The following CEP290 variants were observed in gnomAD, a reference collection of about 807,000 sequenced individuals.
CEP290 encodes centrosomal protein of 290 kDa.
A neutral mutation model predicts 344.9 loss-of-function variants in CEP290; 317 were observed. The ratio of observed to expected loss-of-function variants is 0.92; its 90% CI spans 0.84 to 1.01. The LOEUF is 1.01. Ranked by LOEUF, CEP290 falls within the 50% of genes least tolerant of loss-of-function variation. The pLI is 0.00. For missense variants in CEP290, 2,754 were observed against 2,761.4 expected (o/e 1.00, Z 0.06); for synonymous variants, 932 against 895.8 (o/e 1.04, Z -0.72).
chr12:88,077,747 C>A lies in CEP290; in HGVS notation c.5536G>T (p.Glu1846Ter). Residue 1846 changes from glutamate (E) to a stop codon, truncating the protein, a stop_gained, in exon 40 of 54, where the codon GAG becomes TAG. Coordinates refer to ENST00000552810, the MANE Select transcript of CEP290 (RefSeq NM_025114.4). LOFTEE classifies it high-confidence loss of function. ...ILREKEEIDQ[E>*]NDELKRQIKR... ...ATTTGCCTTTTCAGTTCATCATTCT[C>A]TTGATCAATTTCCTCTTTCTCTCTA... The A allele has an allele frequency of 6.3e-7, 1 of 1,581,648 alleles. No homozygotes were observed. Among genetic ancestry groups the A allele is most frequent in the Non-Finnish European group, 8.6e-7 (1 of 1,166,906 alleles).
At chr12:88,053,469 A>G (rs1017385693) in intron 52 of CEP290, among the ~76,000 whole-genome samples, 183 bp downstream of exon 52, 1 of 151,952 alleles carries the variant, frequency 6.6e-6, no homozygotes, top group Non-Finnish European at 1.5e-5. Context: ...TATAAACAAC[A>G]CAAAGAGAAA....
intron 20 of CEP290, 145 bp downstream of exon 20, chr12:88,114,275 T>C: frequency 1.7e-6 from 1 of 589,686 alleles, no homozygotes. Flanking sequence ...TGAAAGCAGC[T>C]CAAGAAAAAC....
In CEP290 at chr12:88,049,425, CATT is replaced by C. The variant is rs1397674495; in HGVS notation, c.7210-14_7210-12del. 4.7e-6 allele frequency: 6 copies of C among 1,279,046 alleles called. No homozygotes were observed. Among genetic ancestry groups the C allele is most frequent in the Non-Finnish European group, 5.5e-6 (5 of 917,054 alleles). 79.2% of individuals were successfully genotyped at this position (1,279,046 alleles called of 1,614,324 possible). ...CTTCTTTATTTCCTCCTAATGGAAA[CATT>C]ATCTTTAAAAGTTGCATATAGGAAA... On this transcript the variant is annotated splice_polypyrimidine_tract_variant and intron_variant, in intron 53 of 53. Transcript: ENST00000552810.
rs1565889943 is a variant in CEP290, at chr12:88,114,554, ATTCT to A, written c.1914_1917del (p.Lys638AsnfsTer2). The A allele has an allele frequency of 6.5e-7, 1 of 1,539,166 alleles. No homozygotes were observed. The highest frequency in any genetic ancestry group is 1.2e-5 in the South Asian group (1 of 81,522). On this transcript the variant is annotated frameshift_variant, in exon 20 of 54. Transcript: ENST00000552810. LOFTEE classifies it high-confidence loss of function. ...TCAAGTTGCTTATTTTCTTCAACTAATTCTTTTACTGTAATTACACAGTTTTCTC... is the reference window on the plus strand; with the variant it reads ...TCAAGTTGCTTATTTTCTTCAACTAATTTACTGTAATTACACAGTTTTCTC...
chr12:88,100,733 A>G (rs1187239415), intron 26 of CEP290, among the ~76,000 whole-genome samples: 1 of 152,194 alleles, frequency 6.6e-6, no homozygotes, highest in Non-Finnish European at 1.5e-5. Context: ...ACTAGTGTAG[A>G]CAGGAGTGAC....
intron 18 of CEP290, 47 bp from the exon 19 acceptor site, chr12:88,115,229 C>T: frequency 1.0e-6 from 1 of 999,534 alleles, no homozygotes; most frequent in Non-Finnish European, 1.5e-6. Context: ...AACAAAATAT[C>T]ACAAGTCTAT....
At chr12:88,050,767 C>T (rs1324387024) in intron 52 of CEP290, among the ~76,000 whole-genome samples, 1 of 152,152 alleles carries the variant, frequency 6.6e-6, no homozygotes, top group Non-Finnish European at 1.5e-5. Context: ...AGAAGAAAAG[C>T]AGACTGTTGG....
chr12:88,060,138 G>T, intron 47 of CEP290, 118 bp from the exon 48 acceptor site: 1 of 894,184 alleles, frequency 1.1e-6, no homozygotes, highest in Non-Finnish European at 1.6e-6. Flanking sequence ...GATATGATTA[G>T]AATTAAAGTC....
chr12:88,071,673 T>C (rs2035385245), intron 42 of CEP290, 108 bp downstream of exon 42: 6 of 953,640 alleles, frequency 6.3e-6, no homozygotes, highest in African/African-American at 1.7e-5. Context: ...TAAATGATCA[T>C]TTAAACTAGA....
At chr12:88,092,607 G>A in intron 29 of CEP290, 74 bp downstream of exon 29, 1 of 1,313,886 alleles carries the variant, frequency 7.6e-7, no homozygotes, top group Admixed American at 2.4e-5. Flanking sequence ...TTGTATACCT[G>A]TAATTGGGTT....
At chr12:88,068,219 T>A (rs1354557957) in intron 44 of CEP290, among the ~76,000 whole-genome samples, 1 of 152,170 alleles carries the variant, frequency 6.6e-6, no homozygotes, top group African/African-American at 2.4e-5. Flanking sequence ...TTTTCCTATT[T>A]TATTTAACTG....
chr12:88,087,968 C>G, intron 31 of CEP290, 24 bp from the exon 32 acceptor site: 1 of 943,416 alleles, frequency 1.1e-6, no homozygotes, highest in Non-Finnish European at 1.4e-6. Context: ...TTTATATACA[C>G]AAATATAAAT....
rs1289111857 is a variant in CEP290 at position 88,077,888 on chromosome 12, A to C, written c.5395T>G (p.Leu1799Val). 34 of 1,370,408 alleles carry C rather than the reference A, an allele frequency of 2.5e-5. No homozygotes were observed. Among genetic ancestry groups the C allele is most frequent in the Non-Finnish European group, 3.2e-5 (32 of 1,009,190 alleles). 84.9% of individuals were successfully genotyped at this position (1,370,408 alleles called of 1,614,324 possible). The change falls in exon 40 of 54, where the codon TTA (leucine) becomes GTA (valine). Residue 1799 changes from leucine to valine, a missense_variant. Transcript: ENST00000552810. ...GTTTTAAGTGCTTCTTTCAATTTTA[A>C]AAGATTTTCATTTAAATCTTCAACT... ...TQVEDLNENL[L>V]KLKEALKTSK...
At chr12:88,132,999 C>T (rs976023453) in intron 6 of CEP290, among the ~76,000 whole-genome samples, 2 of 151,658 alleles carry the variant, frequency 1.3e-5, no homozygotes, top group African/African-American at 4.8e-5. Context: ...TTTTCTGTTC[C>T]TGTGTGAGTT....
At chr12:88,069,351 C>T (rs1299873141) in intron 43 of CEP290, among the ~76,000 whole-genome samples, 1 of 151,898 alleles carries the variant, frequency 6.6e-6, no homozygotes, top group African/African-American at 2.4e-5. Flanking sequence ...ATAAAGTATT[C>T]CAATTACTTC....
At chr12:88,078,009 G>T in intron 39 of CEP290, 91 bp from the exon 40 acceptor site, 1 of 497,298 alleles carries the variant, frequency 2.0e-6, no homozygotes, top group Non-Finnish European at 3.4e-6. Context: ...ACCATTATAA[G>T]AAAAATTCAG....
Position 88,076,609 on chromosome 12 carries a change from GT to G in CEP290, c.5709+612del, listed in dbSNP as rs1191306794. 1.3e-4 allele frequency among the ~76,000 whole-genome samples: 7 copies of G among 52,042 alleles called. No individual in the cohort carries two copies. The East Asian group carries it at 5.5e-3, about 41-fold the overall frequency. 34.1% of individuals were successfully genotyped at this position (52,042 alleles called of 152,430 possible). The stretch of plus-strand genomic sequence containing the variant: ...ATTACACGCATTTTAGCCAATTTTA[GT>G]TTTTTTTGGGGTTATTTCAATCAGT... On this transcript the variant is annotated intron_variant, in intron 41 of 53. Transcript: ENST00000552810.
rs532622908 is a variant in CEP290 at position 88,131,236 on chromosome 12, A to T, written c.442-18T>A. 203 of 1,458,440 alleles carry T rather than the reference A, an allele frequency of 1.4e-4. 1 individual carries two copies. The highest frequency in any genetic ancestry group is 1.9e-4 in the African/African-American group (13 of 67,188). 90.3% of individuals were successfully genotyped at this position (1,458,440 alleles called of 1,614,324 possible). A position where few individuals can be genotyped will look rare whatever the true frequency, so the allele number is the denominator to read the frequency against. ...AGAGCCAACTAAAATAGTAAAAAAA[A>T]AAAATAAATAAGAAGAAGATAAAAT... On this transcript the variant is annotated intron_variant, in intron 6 of 53. Coordinates refer to ENST00000552810, the MANE Select transcript of CEP290 (RefSeq NM_025114.4).
intron 43 of CEP290, among the ~76,000 whole-genome samples, chr12:88,068,855 G>A (rs543424819): frequency 5.3e-5 from 8 of 151,870 alleles, no homozygotes; most frequent in South Asian, 2.1e-4. Flanking sequence ...TTCACTGAAG[G>A]CCTCCTTTAA....
Sources: allele counts gnomAD v4.1 joint callset (sites outside exome capture counted in the v4.1 genomes callset), GRCh38; gene constraint gnomAD v4.1.1; transcripts MANE v1.5; gene names NCBI Gene and HGNC (gene_info 2026-07-23, HGNC 2026-07-21).